NR3C2: variants seen among roughly 807,000 people sequenced by gnomAD.
The protein encoded by NR3C2 is mineralocorticoid receptor.
Under a neutral mutation model 86.4 loss-of-function variants are expected in NR3C2, and 15 were observed. The observed-to-expected ratio is 0.17, with a 90% CI of 0.12 to 0.27. NR3C2 has a LOEUF of 0.27. Among genes scored for constraint, NR3C2 ranks in the 10% least tolerant of loss-of-function variants. NR3C2 has a pLI of 1.00. For synonymous variants in NR3C2, 458 were observed against 450.5 expected (o/e 1.02, Z -0.21); for missense variants, 960 against 1,195.6 (o/e 0.80, Z 2.91).
chr4:148,273,260 T>C (rs910837120), intron 2 of NR3C2, among the ~76,000 whole-genome samples: 15 of 152,226 alleles, frequency 9.9e-5, no homozygotes, highest in Non-Finnish European at 1.3e-4. Context: ...TCTTCGTCTA[T>C]TAAAACTGTA....
At chr4:148,389,785 T>C (rs970235304) in intron 2 of NR3C2, among the ~76,000 whole-genome samples, 7 of 152,060 alleles carry the variant, frequency 4.6e-5, no homozygotes, top group African/African-American at 1.7e-4. Context: ...TCATTTAAAT[T>C]CATAAAAGGC....
intron 2 of NR3C2, among the ~76,000 whole-genome samples, chr4:148,400,555 C>A (rs568997039): frequency 6.6e-6 from 1 of 151,714 alleles, no homozygotes. Context: ...CTGAGGCGGG[C>A]GGATCATAAG....
At chr4:148,376,510 T>G (rs1192214570) in intron 2 of NR3C2, among the ~76,000 whole-genome samples, 3 of 152,174 alleles carry the variant, frequency 2.0e-5, no homozygotes, top group Non-Finnish European at 4.4e-5. Context: ...ACTCTCAAAA[T>G]ATGGCCAAAT....
Position 148,427,740 on chromosome 4 carries a change from A to G in NR3C2, c.1757+7364T>C, listed in dbSNP as rs1749617657. Among the ~76,000 whole-genome samples, 2 of 152,114 alleles carry G rather than the reference A, an allele frequency of 1.3e-5. 1 individual carries two copies. Among genetic ancestry groups the G allele is most frequent in the Admixed American group, 1.3e-4 (2 of 15,270 alleles). ...GGAACCCTCCTTGAAGAAATGGCCAATTCCAGATCTGGGTCAGGAAAAGTA... is the reference window on the plus strand; with the variant it reads ...GGAACCCTCCTTGAAGAAATGGCCAGTTCCAGATCTGGGTCAGGAAAAGTA... On this transcript the variant is annotated intron_variant, in intron 2 of 8. Coordinates refer to ENST00000358102, the MANE Select transcript of NR3C2 (RefSeq NM_000901.5).
chr4:148,221,179 A>C lies in NR3C2; in HGVS notation c.1898-26317T>G, dbSNP rs140030823. Among the ~76,000 whole-genome samples, 379 of 152,344 alleles carry C rather than the reference A, an allele frequency of 2.5e-3. 2 individuals carry two copies. Among genetic ancestry groups the C allele is most frequent in the African/African-American group, 8.6e-3 (358 of 41,580 alleles). ...AGCTTGCTCATCTATCTCCTGGGAC[A>C]TTTTTGTCAGAATACAGTGGCTGAA... On this transcript the variant is annotated intron_variant, in intron 3 of 8. Coordinates refer to ENST00000358102, the MANE Select transcript of NR3C2 (RefSeq NM_000901.5).
Position 148,354,638 on chromosome 4 carries a change from T to C in NR3C2, c.1757+80466A>G, listed in dbSNP as rs114954048. Reference sequence around the variant, plus strand: ...TGTTTTTGTTCAGGCCTGTACTAGATAGATATTCTAAAATAACAAGATCCT... The same window carrying C: ...TGTTTTTGTTCAGGCCTGTACTAGACAGATATTCTAAAATAACAAGATCCT... On this transcript the variant is annotated intron_variant, in intron 2 of 8. Transcript: ENST00000358102. 8.3e-3 allele frequency among the ~76,000 whole-genome samples: 1,260 copies of C among 152,298 alleles called. 15 individuals are homozygous for C. The highest frequency in any genetic ancestry group is 0.028 in the African/African-American group (1,155 of 41,564).
intron 2 of NR3C2, among the ~76,000 whole-genome samples, chr4:148,429,285 C>G (rs532132038): frequency 1.3e-5 from 2 of 152,288 alleles, no homozygotes; most frequent in African/African-American, 4.8e-5. Context: ...ATCTCAAAAA[C>G]TCCTAATATA....
chr4:148,203,320 T>TAA (rs563531625), intron 3 of NR3C2, among the ~76,000 whole-genome samples: 18 of 147,254 alleles, frequency 1.2e-4, no homozygotes, highest in Admixed American at 2.0e-4. Flanking sequence ...TTTCCCTATT[T>TAA]AAAAAAAAAA....
intron 2 of NR3C2, among the ~76,000 whole-genome samples, chr4:148,369,795 A>G (rs932828494): frequency 4.6e-5 from 7 of 152,238 alleles, no homozygotes; most frequent in African/African-American, 1.7e-4. Flanking sequence ...TTGTAGAAGG[A>G]AAGGCAGTGA....
intron 6 of NR3C2, among the ~76,000 whole-genome samples, chr4:148,140,338 C>T (rs1733548295): frequency 6.6e-6 from 1 of 152,146 alleles, no homozygotes; most frequent in Admixed American, 6.5e-5. Flanking sequence ...CAGTGCACTC[C>T]AGCCTAGGTG....
At chr4:148,186,996 GTATATATATATATATATATATATATATA>G (rs1162757665) in intron 4 of NR3C2, among the ~76,000 whole-genome samples, 11 of 27,202 alleles carry the variant, frequency 4.0e-4, no homozygotes, top group African/African-American at 7.2e-4. Context: ...GTGTATGTAT[GTATATATATATATATATATATATATATA>G]TATATATATA....
At chr4:148,256,826 G>A (rs1739856364) in intron 3 of NR3C2, among the ~76,000 whole-genome samples, 1 of 151,700 alleles carries the variant, frequency 6.6e-6, no homozygotes, top group East Asian at 1.9e-4. Flanking sequence ...TTGGAAGACA[G>A]TTCTAAGTGT....
upstream of NR3C2, chr4:148,444,752 G>A: frequency 5.1e-6 from 5 of 985,082 alleles, no homozygotes; most frequent in Non-Finnish European, 6.0e-6. Context: ...TCGCGCAGAG[G>A]GGGACGCGGG....
chr4:148,210,284 G>A (rs1399473617), intron 3 of NR3C2, among the ~76,000 whole-genome samples: 3 of 152,038 alleles, frequency 2.0e-5, no homozygotes, highest in Admixed American at 6.6e-5. Flanking sequence ...TCCACCTCCC[G>A]GGTTCAAGCA....
In NR3C2 at chr4:148,081,410, G is replaced by A. The variant is rs377077242; in HGVS notation, c.2889C>T (p.Ile963=). 8.1e-6 allele frequency: 13 copies of A among 1,614,062 alleles called. No individual in the cohort carries two copies. The African/African-American group carries it at 1.6e-4, about 20-fold the overall frequency. Residue 963 remains isoleucine (I), a synonymous_variant, in exon 9 of 9, where the codon ATC becomes ATT. Coordinates refer to ENST00000358102, the MANE Select transcript of NR3C2 (RefSeq NM_000901.5). Reference sequence around the variant, plus strand: ...CCACCTTGGGCAGCTGGTCGCTGATGATCTCCACCAGCATTGCGGGGAACT... The same window carrying A: ...CCACCTTGGGCAGCTGGTCGCTGATAATCTCCACCAGCATTGCGGGGAACT... ...KVEFPAMLVE[I]ISDQLPKVES... is the part of the protein sequence containing the mutation.
At chr4:148,375,584 T>A (rs1746636163) in intron 2 of NR3C2, among the ~76,000 whole-genome samples, 1 of 152,326 alleles carries the variant, frequency 6.6e-6, no homozygotes, top group East Asian at 1.9e-4. Flanking sequence ...ATTTCTGACA[T>A]CTCTCTTTTT....
chr4:148,220,454 G>A (rs1255266965), intron 3 of NR3C2, among the ~76,000 whole-genome samples: 2 of 152,152 alleles, frequency 1.3e-5, no homozygotes, highest in African/African-American at 4.8e-5. Context: ...ACAACAGAGG[G>A]AGAGAAACCA....
At chr4:148,128,241 C>G (rs1182091002) in intron 6 of NR3C2, among the ~76,000 whole-genome samples, 1 of 152,166 alleles carries the variant, frequency 6.6e-6, no homozygotes, top group Non-Finnish European at 1.5e-5. Flanking sequence ...CCGTGTTGCC[C>G]TATTTCACAT....
chr4:148,311,604 C>A (rs1311622295), intron 2 of NR3C2, among the ~76,000 whole-genome samples: 3 of 152,198 alleles, frequency 2.0e-5, no homozygotes, highest in Admixed American at 1.3e-4. Flanking sequence ...TGGCCCCTGT[C>A]CCCTAGAATC....
Sources: allele counts gnomAD v4.1 joint callset (sites outside exome capture counted in the v4.1 genomes callset), GRCh38; gene constraint gnomAD v4.1.1; transcripts MANE v1.5; gene names NCBI Gene and HGNC (gene_info 2026-07-23, HGNC 2026-07-21).